The following NDST4 variants were observed in gnomAD, a reference collection of about 807,000 sequenced individuals.
NDST4 encodes N-deacetylase and N-sulfotransferase 4.
Under a neutral mutation model 100.8 loss-of-function variants are expected in NDST4, and 63 were observed. The observed-to-expected ratio is 0.62, with a 90% CI of 0.51 to 0.77. NDST4 has a LOEUF of 0.77. NDST4 is among the 30% of genes least tolerant of loss of function. NDST4 has a pLI of 0.00. For missense variants in NDST4, 943 were observed against 1,018.4 expected, an observed-to-expected ratio of 0.93 and a Z score of 1.01; for synonymous variants, 377 against 361.8, an observed-to-expected ratio of 1.04 and a Z score of -0.48.
chr4:115,066,236 T>C (rs1728943461), intron 2 of NDST4, among the ~76,000 whole-genome samples: 2 of 152,200 alleles, frequency 1.3e-5, no homozygotes, highest in Non-Finnish European at 2.9e-5. Context: ...TGGTATGTAT[T>C]TTCTCAACTT....
chr4:114,880,705 TTGCCTAAAGA>T (rs1175628479), intron 6 of NDST4, among the ~76,000 whole-genome samples: 1 of 152,152 alleles, frequency 6.6e-6, no homozygotes, highest in East Asian at 1.9e-4. Flanking sequence ...TCCATAGTTT[TTGCCTAAAGA>T]TGCTTAGGGT....
chr4:114,887,009 CT>C (rs1296371520), intron 6 of NDST4, among the ~76,000 whole-genome samples: 1 of 152,102 alleles, frequency 6.6e-6, no homozygotes, highest in Non-Finnish European at 1.5e-5. Flanking sequence ...TATGTAGTTT[CT>C]TTTTACGAGG....
intron 13 of NDST4, among the ~76,000 whole-genome samples, chr4:114,829,186 T>C (rs1460639859): frequency 6.6e-6 from 1 of 152,086 alleles, no homozygotes; most frequent in Non-Finnish European, 1.5e-5. Context: ...CTGAGCCAAT[T>C]GCTGGCTGGT....
chr4:115,097,250 G>T (rs72667330), intron 1 of NDST4, among the ~76,000 whole-genome samples: 6,331 of 152,078 alleles, frequency 0.042, 182 homozygotes, highest in Middle Eastern at 0.088. Context: ...ACCAACTCCT[G>T]TTTGTATATC....
intron 4 of NDST4, among the ~76,000 whole-genome samples, chr4:114,947,087 A>G (rs1252245374): frequency 2.0e-5 from 3 of 152,136 alleles, no homozygotes; most frequent in Non-Finnish European, 4.4e-5. Context: ...GAGTAGGATT[A>G]TGAATGAAAT....
chr4:115,033,708 T>A (rs1188760931), intron 2 of NDST4, among the ~76,000 whole-genome samples: 1 of 152,030 alleles, frequency 6.6e-6, no homozygotes, highest in Non-Finnish European at 1.5e-5. Flanking sequence ...GACTGCACAA[T>A]ATAAACCATT....
intron 6 of NDST4, among the ~76,000 whole-genome samples, chr4:114,891,480 T>C (rs1317135856): frequency 2.6e-5 from 4 of 152,134 alleles, no homozygotes; most frequent in Non-Finnish European, 4.4e-5. Flanking sequence ...ATCTTTGTTT[T>C]ACTCATTGCT....
intron 12 of NDST4, among the ~76,000 whole-genome samples, chr4:114,832,186 A>G (rs1723214704): frequency 6.6e-6 from 1 of 152,196 alleles, no homozygotes; most frequent in Non-Finnish European, 1.5e-5. Flanking sequence ...ATTAATACAA[A>G]CATATTATAG....
chr4:114,842,353 G>T, intron 10 of NDST4, among the ~76,000 whole-genome samples: 1 of 151,742 alleles, frequency 6.6e-6, no homozygotes. Context: ...TCCATCTCAG[G>T]TCTTTGGATT....
intron 4 of NDST4, among the ~76,000 whole-genome samples, chr4:114,969,428 C>T (rs1352760974): frequency 1.3e-5 from 2 of 151,196 alleles, no homozygotes; most frequent in Non-Finnish European, 2.9e-5. Context: ...GTCACCCAAG[C>T]GATAAGCATA....
At chr4:115,099,219 G>A (rs1358772695) in intron 1 of NDST4, among the ~76,000 whole-genome samples, 1 of 151,932 alleles carries the variant, frequency 6.6e-6, no homozygotes, top group African/African-American at 2.4e-5. Flanking sequence ...ATAACTATAA[G>A]ACTCTTAGAA....
At chr4:114,879,350 T>C (rs1724318898) in intron 6 of NDST4, among the ~76,000 whole-genome samples, 1 of 152,190 alleles carries the variant, frequency 6.6e-6, no homozygotes, top group African/African-American at 2.4e-5. Flanking sequence ...GATTGTTAAA[T>C]GGAATCCTTT....
intron 4 of NDST4, among the ~76,000 whole-genome samples, chr4:114,968,419 G>T (rs1726432466): frequency 6.6e-6 from 1 of 152,140 alleles, no homozygotes; most frequent in African/African-American, 2.4e-5. Flanking sequence ...ATTTTTCAAG[G>T]GAAAATGTTT....
intron 2 of NDST4, among the ~76,000 whole-genome samples, chr4:115,047,221 A>C (rs925137669): frequency 3.9e-5 from 6 of 152,098 alleles, no homozygotes; most frequent in African/African-American, 1.4e-4. Context: ...TTTAAAACCT[A>C]TTAACAAAAA....
chr4:114,979,486 C>A (rs906459958), intron 2 of NDST4, among the ~76,000 whole-genome samples: 2 of 150,932 alleles, frequency 1.3e-5, no homozygotes, highest in Admixed American at 6.6e-5. Context: ...TAATACACAG[C>A]AATAATTGGA....
At chr4:114,851,790 T>C (rs896146910) in intron 8 of NDST4, among the ~76,000 whole-genome samples, 1 of 152,176 alleles carries the variant, frequency 6.6e-6, no homozygotes, top group Non-Finnish European at 1.5e-5. Flanking sequence ...ACTGTTGTAA[T>C]ACAATTTATA....
At chr4:115,038,712 C>T (rs1459138807) in intron 2 of NDST4, among the ~76,000 whole-genome samples, 1 of 152,148 alleles carries the variant, frequency 6.6e-6, no homozygotes, top group Non-Finnish European at 1.5e-5. Flanking sequence ...CATGGTTGCT[C>T]ACACCCATAA....
chr4:114,893,514 CAT>C (rs1420550509), intron 6 of NDST4, among the ~76,000 whole-genome samples: 2 of 151,634 alleles, frequency 1.3e-5, no homozygotes, highest in Non-Finnish European at 2.9e-5. Flanking sequence ...ATCTTTTTTT[CAT>C]ATGTTTGTTG....
chr4:114,928,344 A>G (rs1725426548), intron 6 of NDST4, among the ~76,000 whole-genome samples: 1 of 152,214 alleles, frequency 6.6e-6, no homozygotes, highest in African/African-American at 2.4e-5. Context: ...ATCATCAAGT[A>G]GCCCCAATAT....
Sources: allele counts gnomAD v4.1 joint callset (sites outside exome capture counted in the v4.1 genomes callset), GRCh38; gene constraint gnomAD v4.1.1; transcripts MANE v1.5; gene names NCBI Gene and HGNC (gene_info 2026-07-23, HGNC 2026-07-21).